PABPC4L: variants seen among roughly 807,000 people sequenced by gnomAD.
PABPC4L encodes the protein poly(A) binding protein cytoplasmic 4 like, also known as polyadenylate-binding protein 4-like.
For synonymous variants in PABPC4L, 169 were observed against 164.1 expected (o/e 1.03, Z -0.23); for missense variants, 452 against 451.4 (o/e 1.00, Z -0.01).
downstream of PABPC4L, among the ~76,000 whole-genome samples, chr4:134,193,927 C>G (rs1347893944): frequency 6.6e-6 from 1 of 151,854 alleles, no homozygotes; most frequent in African/African-American, 2.4e-5. Flanking sequence ...ACTTCCTGAA[C>G]TTAATTTGGA....
the PABPC4L span, among the ~76,000 whole-genome samples, chr4:134,064,924 T>C: frequency 0.19 from 28,957 of 151,962 alleles, 3,345 homozygotes; most frequent in Admixed American, 0.25. Flanking sequence ...GAAAACGATA[T>C]GATTTTGTTT....
At chr4:134,087,994 A>T in the PABPC4L span, among the ~76,000 whole-genome samples, 1 of 152,054 alleles carries the variant, frequency 6.6e-6, no homozygotes, top group African/African-American at 2.4e-5. Flanking sequence ...GAGGAAGTGT[A>T]TAAAGCCTGA....
the PABPC4L span, among the ~76,000 whole-genome samples, chr4:133,963,257 T>C: frequency 1.3e-5 from 2 of 152,174 alleles, no homozygotes; most frequent in African/African-American, 2.4e-5. Flanking sequence ...TGACATTATA[T>C]AATGGTAAAA....
chr4:133,992,710 A>T, the PABPC4L span, among the ~76,000 whole-genome samples: 2 of 152,208 alleles, frequency 1.3e-5, no homozygotes, highest in Non-Finnish European at 2.9e-5. Context: ...ATGAGAGCAT[A>T]AAAAGGATCA....
At chr4:134,116,134 T>A in the PABPC4L span, among the ~76,000 whole-genome samples, 1 of 151,772 alleles carries the variant, frequency 6.6e-6, no homozygotes, top group Non-Finnish European at 1.5e-5. Flanking sequence ...AGAAGCTGCA[T>A]CAGGGACTGC....
the PABPC4L span, among the ~76,000 whole-genome samples, chr4:134,060,276 A>G: frequency 6.6e-6 from 1 of 151,924 alleles, no homozygotes; most frequent in East Asian, 2.0e-4. Context: ...GGCAATAAGG[A>G]CTGAAACTTG....
the PABPC4L span, among the ~76,000 whole-genome samples, chr4:134,079,578 C>CAAAAA: frequency 8.2e-3 from 743 of 90,632 alleles, 31 homozygotes; most frequent in Non-Finnish European, 0.01. Flanking sequence ...GACTTCCTCT[C>CAAAAA]AAAAAAAAAA....
chr4:134,165,082 T>G, the PABPC4L span, among the ~76,000 whole-genome samples: 1 of 152,268 alleles, frequency 6.6e-6, no homozygotes, highest in East Asian at 1.9e-4. Context: ...AGCAGCCACA[T>G]GCAGAAGAAT....
the PABPC4L span, among the ~76,000 whole-genome samples, chr4:134,174,070 A>G: frequency 1.3e-5 from 2 of 152,022 alleles, no homozygotes; most frequent in Non-Finnish European, 2.9e-5. Context: ...AAAACATTTT[A>G]TTTTTCTTTT....
the PABPC4L span, among the ~76,000 whole-genome samples, chr4:134,172,415 A>C: frequency 6.6e-6 from 1 of 152,146 alleles, no homozygotes; most frequent in Non-Finnish European, 1.5e-5. Flanking sequence ...GCAATGGGGA[A>C]AGGACTATTC....
the PABPC4L span, among the ~76,000 whole-genome samples, chr4:133,990,457 CTCCCCA>C: frequency 1.3e-5 from 2 of 152,114 alleles, no homozygotes; most frequent in Non-Finnish European, 2.9e-5. Context: ...GACCAATTTT[CTCCCCA>C]TCCCCTTTCC....
chr4:134,072,222 C>T, the PABPC4L span, among the ~76,000 whole-genome samples: 1 of 152,082 alleles, frequency 6.6e-6, no homozygotes, highest in Non-Finnish European at 1.5e-5. Flanking sequence ...ACAGTGTTAT[C>T]CCTTTTAGTT....
At chr4:134,177,918 G>T in the PABPC4L span, among the ~76,000 whole-genome samples, 1 of 151,978 alleles carries the variant, frequency 6.6e-6, no homozygotes, top group Non-Finnish European at 1.5e-5. Context: ...ACACTTGCTA[G>T]AATTTCCAGC....
the PABPC4L span, among the ~76,000 whole-genome samples, chr4:133,961,990 G>T: frequency 3.3e-5 from 5 of 152,106 alleles, no homozygotes; most frequent in African/African-American, 4.8e-5. Context: ...GGGGCTTGCC[G>T]CCATCTTGGA....
At chr4:134,095,654 A>G in the PABPC4L span, among the ~76,000 whole-genome samples, 1 of 151,950 alleles carries the variant, frequency 6.6e-6, no homozygotes, top group Non-Finnish European at 1.5e-5. Flanking sequence ...CACTTTTCAT[A>G]AGCCCTTCAA....
At chr4:134,134,717 T>C in the PABPC4L span, among the ~76,000 whole-genome samples, 13 of 149,386 alleles carry the variant, frequency 8.7e-5, no homozygotes, top group African/African-American at 2.9e-4. Context: ...ATGTAAAACT[T>C]ATTTAATATA....
At chr4:134,161,007 C>A in the PABPC4L span, among the ~76,000 whole-genome samples, 4 of 151,906 alleles carry the variant, frequency 2.6e-5, no homozygotes, top group African/African-American at 9.7e-5. Flanking sequence ...TTCAAAATAG[C>A]TGTGTTGAGG....
chr4:134,146,471 T>C, the PABPC4L span, among the ~76,000 whole-genome samples: 1 of 152,018 alleles, frequency 6.6e-6, no homozygotes, highest in Admixed American at 6.6e-5. Context: ...TTCTTCTCTC[T>C]TGTTGTCTGA....
At chr4:134,148,498 C>T in the PABPC4L span, among the ~76,000 whole-genome samples, 1 of 152,148 alleles carries the variant, frequency 6.6e-6, no homozygotes, top group East Asian at 1.9e-4. Context: ...ATCAGATTTC[C>T]CTCAACTTGT....
Sources: gnomAD v4.1 joint callset for allele counts (sites outside exome capture counted in the v4.1 genomes callset) on GRCh38, gnomAD v4.1.1 for gene constraint, MANE v1.5 for transcripts, NCBI Gene and HGNC (gene_info 2026-07-23, HGNC 2026-07-21) for gene names.